WDR33: variants seen among roughly 807,000 people sequenced by gnomAD.
The protein encoded by WDR33 is WD repeat domain 33.
WDR33 carries 47 observed loss-of-function variants against 164.9 expected under a neutral mutation model. That is an observed-to-expected ratio of 0.29 (90% CI 0.23 to 0.36). WDR33 has a LOEUF of 0.36. Ranked by LOEUF, WDR33 falls within the 10% of genes least tolerant of loss-of-function variation. WDR33 has a pLI of 1.00. For missense variants in WDR33, 1,137 were observed against 1,754.1 expected, an observed-to-expected ratio of 0.65 and a Z score of 6.28; for synonymous variants, 505 against 589.0, an observed-to-expected ratio of 0.86 and a Z score of 2.06.
At position 127,793,191 on chromosome 2, in the gene WDR33, G is replaced by A. The variant is rs558089005; in HGVS notation, c.-24+17821C>T. On this transcript the variant is annotated intron_variant, in intron 1 of 21. Coordinates refer to ENST00000322313, the MANE Select transcript of WDR33 (RefSeq NM_018383.5). ...CATGCCTGTAATCCTAGCACTTTGGGAGGCCGAGGCAGGTGGATCATCTGA... is the reference window on the plus strand; with the variant it reads ...CATGCCTGTAATCCTAGCACTTTGGAAGGCCGAGGCAGGTGGATCATCTGA... 2.6e-5 allele frequency among the ~76,000 whole-genome samples: 4 copies of A among 152,290 alleles called. No individual in the cohort carries two copies. In the South Asian group the frequency reaches 8.3e-4, roughly 32 times the overall value.
At position 127,713,680 on chromosome 2, in the gene WDR33, G is replaced by C. The variant is rs1288074846; in HGVS notation, c.3211C>G (p.Arg1071Gly). 6.2e-7 allele frequency: 1 copy of C among 1,614,204 alleles called. No individual in the cohort carries two copies. The highest frequency in any genetic ancestry group is 8.5e-7 in the Non-Finnish European group (1 of 1,180,020). ...FSEGDGRGAA[R>G]GPPGAWEGRR... ...CCTTCCCATGCCCCCGGAGGGCCTCGGGCTGCACCCCGGCCATCCCCCTCG... is the reference window on the plus strand; with the variant it reads ...CCTTCCCATGCCCCCGGAGGGCCTCCGGCTGCACCCCGGCCATCCCCCTCG... The change falls in exon 18 of 22, where the codon CGA becomes GGA. Residue 1071 changes from arginine (R) to glycine (G), a missense_variant. Arg to Gly is a moderately radical substitution (Grantham distance 125). Around this residue, in one of 9 missense-constraint regions of WDR33, gnomAD observed 867 missense variants for 1,073.0 expected, o/e 0.81. Transcript: ENST00000322313. The surrounding 1 kb of genome is among the most constrained non-coding windows in gnomAD (Gnocchi z 6.2).
intron 7 of WDR33, among the ~76,000 whole-genome samples, chr2:127,732,572 G>C (rs1355922052): frequency 2.0e-5 from 3 of 152,122 alleles, no homozygotes; most frequent in Non-Finnish European, 4.4e-5. Context: ...TTATTACTTT[G>C]TTTAATGGCA....
chr2:127,750,650 TAA>T (rs1174539929), intron 7 of WDR33, among the ~76,000 whole-genome samples: 232 of 14,930 alleles, frequency 0.016, 7 homozygotes, highest in African/African-American at 0.042. Context: ...AACTCCATCT[TAA>T]AAAAAAAAAA....
intron 7 of WDR33, among the ~76,000 whole-genome samples, chr2:127,742,298 T>C (rs1256963898): frequency 6.6e-6 from 1 of 151,566 alleles, no homozygotes; most frequent in Non-Finnish European, 1.5e-5. Context: ...GAGGCCAAGG[T>C]ATGTGGATTG....
rs1402961970 is a variant in WDR33, at chr2:127,713,519, T to C, written c.3308+64A>G. On this transcript the variant is annotated intron_variant, in intron 18 of 21. Transcript: ENST00000322313. The surrounding 1 kb of genome is among the most constrained non-coding windows in gnomAD (Gnocchi z 6.2). ...TCAAGAAAAAGAAGAAAGAGACCTT[T>C]GTGGAGACAGCAGATAAAAAGCTCC... is the stretch of plus-strand genomic sequence containing the variant. 1.9e-6 allele frequency: 3 copies of C among 1,549,998 alleles called. No individual in the cohort carries two copies. The Admixed American group carries it at 5.5e-5, about 28-fold the overall frequency.
Position 127,765,160 on chromosome 2 carries a change from G to A in WDR33, c.474+14C>T, listed in dbSNP as rs1217341371. ...TACCACAGGATGATGATACCATCTG[G>A]TGATTATCATTACCTGTAATATTGT... On this transcript the variant is annotated intron_variant, in intron 5 of 21. Coordinates refer to ENST00000322313, the MANE Select transcript of WDR33 (RefSeq NM_018383.5). 6.2e-7 allele frequency: 1 copy of A among 1,606,456 alleles called. No homozygotes were observed. The highest frequency in any genetic ancestry group is 8.5e-7 in the Non-Finnish European group (1 of 1,173,656).
intron 7 of WDR33, among the ~76,000 whole-genome samples, chr2:127,758,672 TATG>T (rs1361744981): frequency 6.6e-6 from 1 of 152,126 alleles, no homozygotes; most frequent in African/African-American, 2.4e-5. Flanking sequence ...AAAAATAAAA[TATG>T]ATGTCTCTCA....
At position 127,709,386 on chromosome 2, in the gene WDR33, C is replaced by T; in HGVS notation, c.3565+104G>A. ...GGAGACAGCCCAGCCCCCCGGGAGA[C>T]ATGAGCTGGAAAGAGGAGACCCGGT... On this transcript the variant is annotated intron_variant, in intron 20 of 21. Coordinates refer to ENST00000322313, the MANE Select transcript of WDR33 (RefSeq NM_018383.5). This position sits in a 1 kb window ranked among gnomAD's most constrained non-coding sequence, Gnocchi z 5.0. The T allele has an allele frequency of 9.1e-7, 1 of 1,093,642 alleles. No individual in the cohort carries two copies. Among genetic ancestry groups the T allele is most frequent in the African/African-American group, 1.5e-5 (1 of 64,756 alleles). The allele number at this position is 1,093,642 out of a possible 1,614,324, so 67.7% of individuals were successfully genotyped here. A position where few individuals can be genotyped will look rare whatever the true frequency, so the allele number is the denominator to read the frequency against.
intron 1 of WDR33, among the ~76,000 whole-genome samples, chr2:127,780,536 A>G (rs954612149): frequency 2.0e-5 from 3 of 152,192 alleles, no homozygotes; most frequent in African/African-American, 4.8e-5. Flanking sequence ...AGACCATTCA[A>G]TCTGTTAAAG....
intron 1 of WDR33, among the ~76,000 whole-genome samples, chr2:127,778,461 GAAAC>G (rs202007090): frequency 0.017 from 2,469 of 148,726 alleles, 19 homozygotes; most frequent in East Asian, 0.03. Context: ...AAAGAAAAAA[GAAAC>G]AAACAAAAAC....
At chr2:127,754,671 C>G (rs1687471816) in intron 7 of WDR33, among the ~76,000 whole-genome samples, 1 of 151,226 alleles carries the variant, frequency 6.6e-6, no homozygotes, top group Non-Finnish European at 1.5e-5. Flanking sequence ...AACCTTCCCA[C>G]CTTAGCCTCC....
Position 127,799,317 on chromosome 2 carries a change from CAT to C in WDR33, c.-24+11693_-24+11694del, listed in dbSNP as rs747070389. Among the ~76,000 whole-genome samples the C allele has an allele frequency of 8.2e-4, 125 of 152,170 alleles. 3 individuals are homozygous for C. The highest frequency in any genetic ancestry group is 3.4e-3 in the Middle Eastern group (1 of 294). ...AAAATCAAAACACTGTCTTCCTACA[CAT>C]GACTTGGGAAAAAAAGTTAAAAAAA... On this transcript the variant is annotated intron_variant, in intron 1 of 21. Transcript: ENST00000322313.
rs141211804 is a variant in WDR33 at position 127,793,602 on chromosome 2, A to G, written c.-24+17410T>C. 9.9e-5 allele frequency among the ~76,000 whole-genome samples: 15 copies of G among 152,204 alleles called. No individual in the cohort carries two copies. In the East Asian group the frequency reaches 2.9e-3, roughly 29 times the overall value. ...CAAAAATAAAATAAATTAGCCGGGC[A>G]TGGTGGCAGGTACTTGTGGTCCTAG... On this transcript the variant is annotated intron_variant, in intron 1 of 21. Transcript: ENST00000322313.
intron 1 of WDR33, among the ~76,000 whole-genome samples, chr2:127,796,808 T>G (rs1294389951): frequency 1.3e-5 from 2 of 152,102 alleles, no homozygotes; most frequent in Middle Eastern, 3.2e-3. Flanking sequence ...GGGAAAAGTT[T>G]CAGTACACAT....
intron 7 of WDR33, among the ~76,000 whole-genome samples, chr2:127,734,794 TA>T (rs1686798347): frequency 6.6e-6 from 1 of 152,130 alleles, no homozygotes; most frequent in South Asian, 2.1e-4. Context: ...AATTAAGCTT[TA>T]AAAAAACATG....
intron 1 of WDR33, among the ~76,000 whole-genome samples, chr2:127,774,829 CAAAAAAAAAGA>C (rs1688137089): frequency 2.2e-5 from 3 of 133,832 alleles, no homozygotes; most frequent in Non-Finnish European, 3.2e-5. Flanking sequence ...GACTCCGTCT[CAAAAAAAAAGA>C]AAAAAAAAAA....
Position 127,706,339 on chromosome 2 carries a change from C to A in WDR33, c.3995G>T (p.Gly1332Val). Residue 1332 changes from glycine (G) to valine (V), a missense_variant, in exon 22 of 22, where the codon GGT becomes GTT. Gly to Val is a moderately radical substitution (Grantham distance 109). Transcript: ENST00000322313. This position sits in a 1 kb window ranked among gnomAD's most constrained non-coding sequence, Gnocchi z 5.1. ...GPPRRGASRG[G>V]GRGR Reference sequence around the variant, plus strand: ...TTCCAGCTTCTACCGACCCCTTCCACCACCCCGTGAAGCTCCTCGCCTCGG... The same window carrying A: ...TTCCAGCTTCTACCGACCCCTTCCAACACCCCGTGAAGCTCCTCGCCTCGG... 6.3e-7 allele frequency: 1 copy of A among 1,574,916 alleles called. No homozygotes were observed. The highest frequency in any genetic ancestry group is 8.6e-7 in the Non-Finnish European group (1 of 1,160,722).
intron 18 of WDR33, among the ~76,000 whole-genome samples, chr2:127,711,771 TATA>T (rs1183864043): frequency 2.7e-4 from 23 of 85,474 alleles, no homozygotes; most frequent in East Asian, 5.4e-4. Flanking sequence ...TATATATATA[TATA>T]TATATATTTT....
At position 127,718,128 on chromosome 2, in the gene WDR33, G is replaced by A. The variant is rs562831153; in HGVS notation, c.2761-865C>T. 2.2e-4 allele frequency among the ~76,000 whole-genome samples: 34 copies of A among 152,204 alleles called. No homozygotes were observed. The East Asian group carries it at 3.9e-3, about 17-fold the overall frequency. ...ACATCATCAGATTCTCCATGACTAC[G>A]ACACTTTTAGGTTCTGGAAGACCTA... is the stretch of plus-strand genomic sequence containing the variant. On this transcript the variant is annotated intron_variant, in intron 16 of 21. Coordinates refer to ENST00000322313, the MANE Select transcript of WDR33 (RefSeq NM_018383.5). The surrounding 1 kb of genome is among the most constrained non-coding windows in gnomAD (Gnocchi z 4.4).
Sources: gnomAD v4.1 joint callset for allele counts (sites outside exome capture counted in the v4.1 genomes callset) on GRCh38, gnomAD v4.1.1 for gene constraint, gnomAD v4.1.1 regional missense constraint, Gnocchi (gnomAD v3.1) non-coding constraint, MANE v1.5 for transcripts, NCBI Gene and HGNC (gene_info 2026-07-23, HGNC 2026-07-21) for gene names.